The following FRY variants were observed in gnomAD, a reference collection of about 807,000 sequenced individuals.
FRY encodes the protein FRY microtubule binding protein.
In FRY, 128 loss-of-function variants were observed where a neutral mutation model predicts 348.4. The observed-to-expected ratio is 0.37, with a 90% CI of 0.32 to 0.43. The LOEUF (loss-of-function observed/expected upper bound fraction) is 0.43, where lower values mean the gene tolerates loss of function less well. Among genes scored for constraint, FRY ranks in the 20% least tolerant of loss-of-function variants. The probability of loss-of-function intolerance (pLI) is 1.00; values close to 1 mark genes in which losing one functional copy is unlikely to be tolerated. For missense variants in FRY, 2,736 were observed against 3,695.2 expected (o/e 0.74, Z 6.73); for synonymous variants, 1,370 against 1,374.7 (o/e 1.00, Z 0.08).
At chr13:32,272,708 A>G (rs1016397543) in intron 55 of FRY, among the ~76,000 whole-genome samples, 1 of 152,076 alleles carries the variant, frequency 6.6e-6, no homozygotes, top group African/African-American at 2.4e-5. Flanking sequence ...CAGGGGGGTA[A>G]AAGTGTTTTT....
chr13:32,096,170 C>T (rs1876695047), intron 2 of FRY, among the ~76,000 whole-genome samples: 1 of 152,224 alleles, frequency 6.6e-6, no homozygotes, highest in Non-Finnish European at 1.5e-5. Context: ...GGTGTACTCT[C>T]AAGTCTCATC....
intron 54 of FRY, 57 bp downstream of exon 54, chr13:32,265,673 C>A: frequency 6.6e-7 from 1 of 1,504,782 alleles, no homozygotes. Context: ...CATTATATGG[C>A]ATTCACACTC....
chr13:32,097,926 A>G (rs1876856546), intron 2 of FRY, among the ~76,000 whole-genome samples: 1 of 151,926 alleles, frequency 6.6e-6, no homozygotes, highest in Non-Finnish European at 1.5e-5. Context: ...TGTATATTTT[A>G]CCACAATAAA....
rs377587375 is a variant in FRY, at chr13:32,049,975, G to A, written c.70+18110G>A. On this transcript the variant is annotated intron_variant, in intron 1 of 60. Coordinates refer to ENST00000542859, the MANE Select transcript of FRY (RefSeq NM_023037.3). ...TATGCTCTTTAAATAGAATATTTGC[G>A]TTGAGGTTAAAAGGTGATGGCGGGG... Among the ~76,000 whole-genome samples the A allele has an allele frequency of 2.0e-4, 30 of 152,316 alleles. 1 individual carries two copies. The East Asian group carries it at 3.5e-3, about 18-fold the overall frequency.
intron 4 of FRY, among the ~76,000 whole-genome samples, chr13:32,119,845 C>G (rs1196216801): frequency 6.6e-6 from 1 of 152,130 alleles, no homozygotes; most frequent in Non-Finnish European, 1.5e-5. Context: ...ATAAATGATC[C>G]TGAAAGAATG....
At chr13:32,280,069 A>G (rs374253501) in intron 58 of FRY, among the ~76,000 whole-genome samples, 19 of 152,224 alleles carry the variant, frequency 1.2e-4, no homozygotes, top group Middle Eastern at 3.4e-3. Context: ...CACACCCCTT[A>G]AGTCATTTGC....
intron 24 of FRY, among the ~76,000 whole-genome samples, 192 bp from the exon 25 acceptor site, chr13:32,184,407 GT>G (rs201572612): frequency 6.7e-6 from 1 of 149,606 alleles, no homozygotes; most frequent in South Asian, 2.1e-4. Context: ...CACTTATGAT[GT>G]TTTTTTTTCT....
chr13:32,213,371 G>A (rs564093189), intron 35 of FRY, among the ~76,000 whole-genome samples: 1 of 152,284 alleles, frequency 6.6e-6, no homozygotes, highest in East Asian at 1.9e-4. Flanking sequence ...CTGCATCACT[G>A]GGCAGCTGTG....
In FRY at chr13:32,295,440, GTT is replaced by G; in HGVS notation, c.9024_9025del (p.Ser3009TrpfsTer3). 1 of 1,611,462 alleles carries G rather than the reference GTT, an allele frequency of 6.2e-7. No homozygotes were observed. Among genetic ancestry groups the G allele is most frequent in the South Asian group, 1.1e-5 (1 of 91,072 alleles). On this transcript the variant is annotated frameshift_variant, in exon 61 of 61. Transcript: ENST00000542859. LOFTEE classifies it high-confidence loss of function. ...CACTACTTTTCTTCCAGACTCCAGT[GTT>G]TCTGGCACTAGTCTCTGACAGGAGC... ...VLTTFLPDSS[V>X]SGTSL
intron 53 of FRY, 100 bp from the exon 54 acceptor site, chr13:32,265,350 A>G (rs1887861562): frequency 1.7e-6 from 2 of 1,146,130 alleles, no homozygotes; most frequent in Non-Finnish European, 2.6e-6. Flanking sequence ...TTCTATCACC[A>G]TCAGCATTTC....
chr13:32,139,751 G>A (rs570657044), intron 11 of FRY, among the ~76,000 whole-genome samples: 4 of 152,158 alleles, frequency 2.6e-5, no homozygotes, highest in South Asian at 2.1e-4. Flanking sequence ...CTCTTGGTCC[G>A]TGGTGACCAA....
chr13:32,210,126 G>A (rs1177809634), intron 33 of FRY, among the ~76,000 whole-genome samples: 1 of 152,216 alleles, frequency 6.6e-6, no homozygotes, highest in African/African-American at 2.4e-5. Flanking sequence ...AACAGAATAA[G>A]AAAGCAGAGT....
intron 39 of FRY, among the ~76,000 whole-genome samples, chr13:32,228,040 G>T (rs754308828): frequency 6.6e-5 from 10 of 152,130 alleles, no homozygotes; most frequent in African/African-American, 2.4e-4. Context: ...GTGAGCCACC[G>T]CGCCCAGCCC....
intron 52 of FRY, 138 bp downstream of exon 52, chr13:32,261,954 C>A: frequency 1.2e-6 from 1 of 810,996 alleles, no homozygotes; most frequent in Non-Finnish European, 2.0e-6. Flanking sequence ...TGGTGTCATA[C>A]GGGTTCTAGC....
chr13:32,233,508 C>T (rs1348084241), intron 41 of FRY, among the ~76,000 whole-genome samples: 1 of 152,178 alleles, frequency 6.6e-6, no homozygotes, highest in Non-Finnish European at 1.5e-5. Context: ...ATTGGAAAAA[C>T]AAATATTCAG....
At chr13:32,117,850 T>G (rs766665568) in intron 4 of FRY, among the ~76,000 whole-genome samples, 1 of 152,156 alleles carries the variant, frequency 6.6e-6, no homozygotes, top group Non-Finnish European at 1.5e-5. Context: ...TAACCTTGAG[T>G]GCTCAGTGTA....
At position 32,239,034 on chromosome 13, in the gene FRY, T is replaced by C. The variant is rs1297235097; in HGVS notation, c.6419-218T>C. On this transcript the variant is annotated intron_variant, in intron 44 of 60. Transcript: ENST00000542859. The surrounding 1 kb of genome is among the most constrained non-coding windows in gnomAD (Gnocchi z 4.3). ...CAATAGTCCAGTGCAAGATAATCAC[T>C]GCATCTTAAAATCGCAGATCTACTT... Among the ~76,000 whole-genome samples the C allele has an allele frequency of 6.6e-6, 1 of 152,242 alleles. No individual in the cohort carries two copies. Among genetic ancestry groups the C allele is most frequent in the African/African-American group, 2.4e-5 (1 of 41,460 alleles).
At position 32,225,775 on chromosome 13, in the gene FRY, C is replaced by T. The variant is rs192280002; in HGVS notation, c.5021-14C>T. ...AACGTTTGTTTATACTTAGATTCTA[C>T]TGTTTTGTTCCAGGTTTAGACCACT... On this transcript the variant is annotated splice_polypyrimidine_tract_variant and intron_variant, in intron 38 of 60. Transcript: ENST00000542859. The T allele has an allele frequency of 4.7e-5, 76 of 1,602,446 alleles. No homozygotes were observed. The African/African-American group carries it at 8.4e-4, about 18-fold the overall frequency.
intron 2 of FRY, among the ~76,000 whole-genome samples, chr13:32,090,447 G>A (rs1423116904): frequency 6.6e-6 from 1 of 151,932 alleles, no homozygotes; most frequent in Non-Finnish European, 1.5e-5. Flanking sequence ...GTTGATAGCT[G>A]AGAGAAAGAC....
Sources: allele counts gnomAD v4.1 joint callset (sites outside exome capture counted in the v4.1 genomes callset), GRCh38; gene constraint gnomAD v4.1.1; non-coding constraint Gnocchi (gnomAD v3.1); transcripts MANE v1.5; gene names NCBI Gene and HGNC (gene_info 2026-07-23, HGNC 2026-07-21).